MYBPC1: variants seen among roughly 807,000 people sequenced by gnomAD.
MYBPC1 encodes myosin binding protein C1.
A neutral mutation model predicts 147.1 loss-of-function variants in MYBPC1; 52 were observed. The observed-to-expected ratio is 0.35, with a 90% confidence interval of 0.28 to 0.45. The LOEUF (loss-of-function observed/expected upper bound fraction) is 0.45, where lower values mean the gene tolerates loss of function less well. Among genes scored for constraint, MYBPC1 ranks in the 20% least tolerant of loss-of-function variants. The pLI is 1.00. For synonymous variants in MYBPC1, 477 were observed against 475.9 expected (o/e 1.00, Z -0.03); for missense variants, 1,228 against 1,440.3 (o/e 0.85, Z 2.39).
intron 1 of MYBPC1, among the ~76,000 whole-genome samples, chr12:101,609,861 GT>G (rs1883620334): frequency 6.6e-6 from 1 of 152,122 alleles, no homozygotes; most frequent in African/African-American, 2.4e-5. Context: ...ATGAATTTAG[GT>G]TGCAAGGATG....
At chr12:101,595,561 G>T (rs1470539031) in intron 1 of MYBPC1, among the ~76,000 whole-genome samples, 1 of 151,618 alleles carries the variant, frequency 6.6e-6, no homozygotes, top group Non-Finnish European at 1.5e-5. Context: ...TTCCATATTT[G>T]CTACTTTTTT....
chr12:101,640,251 A>G (rs1469300183), intron 10 of MYBPC1, among the ~76,000 whole-genome samples: 1 of 152,122 alleles, frequency 6.6e-6, no homozygotes, highest in African/African-American at 2.4e-5. Flanking sequence ...AGCCCAAGTA[A>G]TCTTCCCACC....
Position 101,678,223 on chromosome 12 carries a change from GAGAGGAAAT to G in MYBPC1, c.3232_3240del (p.Arg1078_Asn1080del). ...ACAATGCCACCCTAAACTGCAGTGTGAGAGGAAATCCTAAGGTACCATGTTCTTCTATCA... is the reference window on the plus strand; with the variant it reads ...ACAATGCCACCCTAAACTGCAGTGTGCCTAAGGTACCATGTTCTTCTATCA... On this transcript the variant is annotated inframe_deletion, in exon 28 of 32. Coordinates refer to ENST00000361466, the MANE Select transcript of MYBPC1 (RefSeq NM_002465.4). The G allele has an allele frequency of 6.2e-7, 1 of 1,614,150 alleles. No individual in the cohort carries two copies. The highest frequency in any genetic ancestry group is 8.5e-7 in the Non-Finnish European group (1 of 1,179,986).
intron 1 of MYBPC1, among the ~76,000 whole-genome samples, chr12:101,613,764 A>T (rs1885059194): frequency 6.6e-6 from 1 of 152,188 alleles, no homozygotes; most frequent in Non-Finnish European, 1.5e-5. Context: ...GAGCCTGGAA[A>T]ATTTTGGATA....
At position 101,670,367 on chromosome 12, in the gene MYBPC1, C is replaced by A. The variant is rs747327755; in HGVS notation, c.2571C>A (p.Ile857=). Residue 857 remains isoleucine, a synonymous_variant, in exon 24 of 32, where the codon ATC becomes ATA. Coordinates refer to ENST00000361466, the MANE Select transcript of MYBPC1 (RefSeq NM_002465.4). ...RIPRHLKQTY[I]RRVGEAVNLV... ...CAAGACACCTGAAGCAAACCTATATCCGCAGAGTTGGAGAAGCTGTCAATC... is the reference window on the plus strand; with the variant it reads ...CAAGACACCTGAAGCAAACCTATATACGCAGAGTTGGAGAAGCTGTCAATC... 49 of 1,613,972 alleles carry A rather than the reference C, an allele frequency of 3.0e-5. No homozygotes were observed. The highest frequency in any genetic ancestry group is 4.1e-5 in the Non-Finnish European group (48 of 1,179,972).
At chr12:101,683,734 C>G (rs1202531689) in intron 30 of MYBPC1, among the ~76,000 whole-genome samples, 1 of 151,912 alleles carries the variant, frequency 6.6e-6, no homozygotes, top group Non-Finnish European at 1.5e-5. Context: ...AGATCTATGC[C>G]TGAGTTTACA....
At chr12:101,670,203 T>A in intron 23 of MYBPC1, 118 bp from the exon 24 acceptor site, 1 of 829,534 alleles carries the variant, frequency 1.2e-6, no homozygotes, top group South Asian at 1.3e-5. Context: ...CATCTCAGAG[T>A]TTATTGCAGA....
intron 27 of MYBPC1, 124 bp from the exon 28 acceptor site, chr12:101,677,978 C>T: frequency 8.2e-7 from 1 of 1,218,036 alleles, no homozygotes; most frequent in Non-Finnish European, 1.2e-6. Flanking sequence ...ATGGCATTTG[C>T]TCATCTTTGT....
At chr12:101,602,686 T>G (rs1051827406) in intron 1 of MYBPC1, among the ~76,000 whole-genome samples, 4 of 152,178 alleles carry the variant, frequency 2.6e-5, no homozygotes, top group Non-Finnish European at 4.4e-5. Context: ...ACTGCTCACC[T>G]CCTCACTAGT....
chr12:101,656,188 G>A (rs897134493), intron 18 of MYBPC1, among the ~76,000 whole-genome samples: 3 of 151,924 alleles, frequency 2.0e-5, no homozygotes, highest in Non-Finnish European at 4.4e-5. Context: ...AAAAGAGGAA[G>A]TAAAATTAAT....
intron 19 of MYBPC1, 125 bp from the exon 20 acceptor site, chr12:101,661,033 A>G: frequency 6.1e-6 from 4 of 654,198 alleles, no homozygotes. Context: ...AATTCAGTAA[A>G]CATGGGAAAG....
At position 101,685,809 on chromosome 12, in the gene MYBPC1, GAGA is replaced by G; in HGVS notation, c.*249_*251del. 2 of 287,538 alleles carry G rather than the reference GAGA, an allele frequency of 7.0e-6. No individual in the cohort carries two copies. The highest frequency in any genetic ancestry group is 8.9e-5 in the South Asian group (1 of 11,286). 17.8% of individuals were successfully genotyped at this position (287,538 alleles called of 1,614,324 possible). A position where few individuals can be genotyped will look rare whatever the true frequency, so the allele number is the denominator to read the frequency against. On this transcript the variant is annotated 3_prime_UTR_variant, in exon 32 of 32. Coordinates refer to ENST00000361466, the MANE Select transcript of MYBPC1 (RefSeq NM_002465.4). ...CTTTTTCTTTCCTCCTAATGTTGAA[GAGA>G]AAAAAAAAAAAAAAAGTTTGCCCAG...
intron 1 of MYBPC1, among the ~76,000 whole-genome samples, chr12:101,595,668 A>G (rs1876938064): frequency 6.6e-6 from 1 of 152,154 alleles, no homozygotes; most frequent in African/African-American, 2.4e-5. Context: ...TGGAAAGAAA[A>G]CCAAACACCT....
intron 31 of MYBPC1, among the ~76,000 whole-genome samples, chr12:101,684,750 A>G (rs1476605214): frequency 6.6e-6 from 1 of 152,210 alleles, no homozygotes; most frequent in Non-Finnish European, 1.5e-5. Context: ...AAGTGGCATC[A>G]TTTCTACCAA....
intron 3 of MYBPC1, among the ~76,000 whole-genome samples, chr12:101,622,781 G>A (rs825099): frequency 0.48 from 72,614 of 151,828 alleles, 17,882 homozygotes; most frequent in East Asian, 0.67. Flanking sequence ...GAAACAGTAA[G>A]CTTTGCTCAT....
chr12:101,614,045 C>A (rs976526781), intron 1 of MYBPC1, among the ~76,000 whole-genome samples: 2 of 152,152 alleles, frequency 1.3e-5, no homozygotes, highest in Non-Finnish European at 2.9e-5. Flanking sequence ...ATATGCTCAC[C>A]ATATGCTTGC....
rs1333490603 is a variant in MYBPC1 at position 101,677,272 on chromosome 12, G to C, written c.2987G>C (p.Ser996Thr). The C allele has an allele frequency of 6.2e-7, 1 of 1,613,616 alleles. No homozygotes were observed. The change falls in exon 27 of 32, where the codon AGT (serine) becomes ACT (threonine). Residue 996 changes from serine to threonine, a missense_variant. Physicochemically the swap from Ser to Thr is moderately conservative, Grantham distance 58. Around this residue, in one of 2 missense-constraint regions of MYBPC1, gnomAD observed 1,077 missense variants for 1,314.2 expected, o/e 0.82. Transcript: ENST00000361466. Reference sequence around the variant, plus strand: ...GTCATTGAGCATTATCATCGAACCAGTGCCACCATTACTGAATTGGTCATA... The same window carrying C: ...GTCATTGAGCATTATCATCGAACCACTGCCACCATTACTGAATTGGTCATA... ...FTVIEHYHRT[S>T]ATITELVIGN...
chr12:101,647,965 T>C (rs894179971), intron 13 of MYBPC1, 80 bp from the exon 14 acceptor site: 58 of 1,179,830 alleles, frequency 4.9e-5, no homozygotes, highest in Non-Finnish European at 6.9e-5. Context: ...ACTGTTGGTT[T>C]TTCATCTGTG....
chr12:101,618,901 A>G (rs7976123), intron 3 of MYBPC1, among the ~76,000 whole-genome samples: 559 of 148,122 alleles, frequency 3.8e-3, no homozygotes, highest in African/African-American at 0.014. Context: ...GTGTCTGTAT[A>G]TATATTATAT....
Sources: gnomAD v4.1 joint callset for allele counts (sites outside exome capture counted in the v4.1 genomes callset) on GRCh38, gnomAD v4.1.1 for gene constraint, gnomAD v4.1.1 regional missense constraint, MANE v1.5 for transcripts, NCBI Gene and HGNC (gene_info 2026-07-23, HGNC 2026-07-21) for gene names.